Variants in PRICKLE2 observed in about 807,000 individuals in gnomAD.
PRICKLE2 encodes prickle planar cell polarity protein 2.
Under a neutral mutation model 81.4 loss-of-function variants are expected in PRICKLE2, and 21 were observed. The observed-to-expected ratio is 0.26, with a 90% confidence interval of 0.18 to 0.37. The LOEUF (loss-of-function observed/expected upper bound fraction) is 0.37, where lower values mean the gene tolerates loss of function less well. Among genes scored for constraint, PRICKLE2 ranks in the 10% least tolerant of loss-of-function variants. The pLI, the probability that PRICKLE2 is intolerant of heterozygous loss-of-function variation, is 1.00. For missense variants in PRICKLE2, 940 were observed against 1,109.0 expected, an observed-to-expected ratio of 0.85 and a Z score of 2.16; for synonymous variants, 456 against 421.5, an observed-to-expected ratio of 1.08 and a Z score of -1.00.
intron 7 of PRICKLE2, among the ~76,000 whole-genome samples, chr3:64,112,521 G>T: frequency 6.6e-6 from 1 of 152,176 alleles, no homozygotes; most frequent in East Asian, 1.9e-4. Context: ...AAATGGATGG[G>T]TGTATGGTAT....
At chr3:64,103,884 G>GT (rs1272734996) in intron 7 of PRICKLE2, among the ~76,000 whole-genome samples, 3 of 152,118 alleles carry the variant, frequency 2.0e-5, no homozygotes, top group Non-Finnish European at 2.9e-5. Context: ...GGAGACTGAG[G>GT]TGGCAGTATC....
chr3:64,115,887 A>G (rs1012332158), intron 7 of PRICKLE2, among the ~76,000 whole-genome samples: 2 of 152,196 alleles, frequency 1.3e-5, no homozygotes, highest in African/African-American at 4.8e-5. Context: ...AAAAAACAGA[A>G]TACACATTCT....
At chr3:64,245,687 A>C (rs1194435387) in intron 2 of PRICKLE2, among the ~76,000 whole-genome samples, 1 of 152,102 alleles carries the variant, frequency 6.6e-6, no homozygotes, top group Non-Finnish European at 1.5e-5. Flanking sequence ...TTTTTGTACC[A>C]ATGGATGATT....
intron 2 of PRICKLE2, among the ~76,000 whole-genome samples, chr3:64,168,403 T>C (rs1346288890): frequency 1.3e-5 from 2 of 152,096 alleles, no homozygotes; most frequent in East Asian, 3.9e-4. Flanking sequence ...AATCTCATAA[T>C]GTTTTAAGAA....
At chr3:64,260,467 C>T (rs938822711) in intron 2 of PRICKLE2, among the ~76,000 whole-genome samples, 24 of 152,342 alleles carry the variant, frequency 1.6e-4, no homozygotes, top group African/African-American at 5.3e-4. Flanking sequence ...TAATCAATCG[C>T]AGCACTATTT....
chr3:64,176,690 T>G (rs1575622304), intron 2 of PRICKLE2, among the ~76,000 whole-genome samples: 1 of 152,228 alleles, frequency 6.6e-6, no homozygotes, highest in African/African-American at 2.4e-5. Context: ...CAGTTTCATT[T>G]CTGCACATTA....
At chr3:64,221,857 T>C (rs1559588971) in intron 1 of PRICKLE2, among the ~76,000 whole-genome samples, 1 of 152,182 alleles carries the variant, frequency 6.6e-6, no homozygotes, top group Admixed American at 6.5e-5. Flanking sequence ...AGTTGGGTCA[T>C]TGAGCCCTTC....
At position 64,157,147 on chromosome 3, in the gene PRICKLE2, G is replaced by A; in HGVS notation, c.600+15C>T. The A allele has an allele frequency of 6.2e-7, 1 of 1,612,738 alleles. No individual in the cohort carries two copies. The highest frequency in any genetic ancestry group is 8.5e-7 in the Non-Finnish European group (1 of 1,178,760). On this transcript the variant is annotated intron_variant, in intron 5 of 7. Transcript: ENST00000638394. ...GGGGTGATGGGCAGGTAAACCTGCT[G>A]GAGTTTGCTCTAACCTCATCGCAGG...
chr3:64,149,812 G>C (rs893715078), intron 6 of PRICKLE2, among the ~76,000 whole-genome samples: 1 of 152,090 alleles, frequency 6.6e-6, no homozygotes, highest in Non-Finnish European at 1.5e-5. Flanking sequence ...AATTCTTCTC[G>C]TATTAGCTCT....
chr3:64,158,238 T>C (rs1262748767), intron 4 of PRICKLE2, among the ~76,000 whole-genome samples: 2 of 152,238 alleles, frequency 1.3e-5, no homozygotes, highest in African/African-American at 2.4e-5. Flanking sequence ...GGACAATGTC[T>C]AAAGAGCAGA....
chr3:64,129,445 G>A lies in PRICKLE2; in HGVS notation c.1660+17385C>T, dbSNP rs999221734. Among the ~76,000 whole-genome samples the A allele has an allele frequency of 5.3e-4, 80 of 152,132 alleles. 1 individual carries two copies. Among genetic ancestry groups the A allele is most frequent in the Non-Finnish European group, 1.3e-4 (9 of 68,024 alleles). ...TATGACAGCAGATCTTTGTCACCTT[G>A]GGGATGAAAAGAGGACAGTCTCTGG... is the stretch of plus-strand genomic sequence containing the variant. On this transcript the variant is annotated intron_variant, in intron 7 of 7. Coordinates refer to ENST00000638394, the MANE Select transcript of PRICKLE2 (RefSeq NM_198859.4).
Position 64,202,645 on chromosome 3 carries a change from C to CATGTGT in PRICKLE2, c.-40-3679_-40-3678insACACAT, listed in dbSNP as rs140445287. On this transcript the variant is annotated intron_variant, in intron 1 of 7. Coordinates refer to ENST00000638394, the MANE Select transcript of PRICKLE2 (RefSeq NM_198859.4). ...TTGTATTAGTTTAGGTACTTGTGTGCGTGTGTGTGTGTGTGTGTGTGTGTG... is the reference window on the plus strand; with the variant it reads ...TTGTATTAGTTTAGGTACTTGTGTGCATGTGTGTGTGTGTGTGTGTGTGTGTGTGTG... 4.0e-5 allele frequency among the ~76,000 whole-genome samples: 6 copies of CATGTGT among 149,434 alleles called. No homozygotes were observed. The South Asian group carries it at 6.4e-4, about 16-fold the overall frequency.
chr3:64,137,438 A>C (rs1055867055), intron 7 of PRICKLE2, among the ~76,000 whole-genome samples: 1 of 152,186 alleles, frequency 6.6e-6, no homozygotes, highest in African/African-American at 2.4e-5. Context: ...CAAAGAGAAT[A>C]AAATCAGCAA....
At chr3:64,243,758 A>G (rs1230940470) in intron 2 of PRICKLE2, among the ~76,000 whole-genome samples, 1 of 152,206 alleles carries the variant, frequency 6.6e-6, no homozygotes, top group Non-Finnish European at 1.5e-5. Context: ...TTAGAAGATG[A>G]CAGATTTAAT....
intron 2 of PRICKLE2, among the ~76,000 whole-genome samples, chr3:64,266,203 A>G (rs2079705931): frequency 3.5e-5 from 1 of 28,618 alleles, no homozygotes; most frequent in Admixed American, 4.2e-4. Context: ...CCGCAAAAGA[A>G]AAAAAAAAAA....
At chr3:64,141,974 A>G (rs147513381) in intron 7 of PRICKLE2, 89 of 977,590 alleles carry the variant, frequency 9.1e-5, no homozygotes, top group Non-Finnish European at 1.0e-4. Context: ...AGATATGCAG[A>G]TAGTTTAGAA....
At chr3:64,238,778 T>C (rs797015222) in intron 2 of PRICKLE2, among the ~76,000 whole-genome samples, 9 of 152,300 alleles carry the variant, frequency 5.9e-5, no homozygotes, top group African/African-American at 1.9e-4. Context: ...CTGAATTATA[T>C]GAGGTAATGC....
rs533021481 is a variant in PRICKLE2, at chr3:64,132,401, T to C, written c.1660+14429A>G. Among the ~76,000 whole-genome samples the C allele has an allele frequency of 5.9e-5, 9 of 152,322 alleles. No individual in the cohort carries two copies. In the South Asian group the frequency reaches 1.9e-3, roughly 32 times the overall value. ...ATTTATTGTCCTGGCTCCCTCCTGC[T>C]AGGCTGCAGCTTGGCTGCAGCATTC... On this transcript the variant is annotated intron_variant, in intron 7 of 7. Coordinates refer to ENST00000638394, the MANE Select transcript of PRICKLE2 (RefSeq NM_198859.4).
intron 4 of PRICKLE2, among the ~76,000 whole-genome samples, chr3:64,157,741 A>C (rs1475590369): frequency 6.6e-6 from 1 of 151,824 alleles, no homozygotes; most frequent in Non-Finnish European, 1.5e-5. Flanking sequence ...GCCAGGTTTA[A>C]CACCACCAGG....
Sources: allele counts gnomAD v4.1 joint callset (sites outside exome capture counted in the v4.1 genomes callset), GRCh38; gene constraint gnomAD v4.1.1; transcripts MANE v1.5; gene names NCBI Gene and HGNC (gene_info 2026-07-23, HGNC 2026-07-21).